Variants in CES3 observed in about 807,000 individuals in gnomAD.
The protein encoded by CES3 is carboxylesterase 3.
A neutral mutation model predicts 57.6 loss-of-function variants in CES3; 49 were observed. That is an observed-to-expected ratio of 0.85 (90% CI 0.68 to 1.08). The LOEUF (loss-of-function observed/expected upper bound fraction) is 1.08, where lower values mean the gene tolerates loss of function less well. Among genes scored for constraint, CES3 ranks in the 50% least tolerant of loss-of-function variants. CES3 has a pLI of 0.00. For synonymous variants in CES3, 266 were observed against 281.6 expected (o/e 0.94, Z 0.55); for missense variants, 645 against 742.0 (o/e 0.87, Z 1.52).
chr16:66,974,068 G>T lies in CES3; in HGVS notation c.*1019G>T, dbSNP rs1047488869. The T allele has an allele frequency of 1.3e-4, 20 of 152,472 alleles. No individual in the cohort carries two copies. The highest frequency in any genetic ancestry group is 9.8e-4 in the Admixed American group (15 of 15,284). The allele number at this position is 152,472 out of a possible 1,614,324, so 9.4% of individuals were successfully genotyped here. A position where few individuals can be genotyped will look rare whatever the true frequency, so the allele number is the denominator to read the frequency against. On this transcript the variant is annotated 3_prime_UTR_variant, in exon 13 of 13. Transcript: ENST00000303334. ...CCCACCCACTCGGGCTGCAAAAGGT[G>T]AAAAGCACCAAGAGGTTTTCAGATG...
intron 6 of CES3, among the ~76,000 whole-genome samples, chr16:66,965,845 CAGA>C (rs1436701403): frequency 3.3e-5 from 5 of 152,152 alleles, no homozygotes; most frequent in Admixed American, 6.6e-5. Flanking sequence ...GAGGCTGAGG[CAGA>C]AGAATGGTGT....
chr16:66,964,259 GA>G, intron 4 of CES3, 97 bp from the exon 5 acceptor site: 1 of 1,505,990 alleles, frequency 6.6e-7, no homozygotes, highest in Non-Finnish European at 8.9e-7. Context: ...CTGGGGAGCA[GA>G]GAAGGGTCTG....
Position 66,971,245 on chromosome 16 carries a change from G to A in CES3, c.1217G>A (p.Cys406Tyr). 6.2e-7 allele frequency: 1 copy of A among 1,614,094 alleles called. No individual in the cohort carries two copies. The change falls in exon 10 of 13, where the codon TGC becomes TAC. Residue 406 changes from cysteine (C) to tyrosine (Y), a missense_variant. Coordinates refer to ENST00000303334, the MANE Select transcript of CES3 (RefSeq NM_024922.6). ...AGCAACTCGGACGCACAAGCCAAAT[G>A]CCAGGCGTTCCAGGAATTCATGGGT... Reference protein sequence around the residue: ...LGSNSDAQAKCQAFQEFMGDV... With the variant: ...LGSNSDAQAKYQAFQEFMGDV...
Position 66,963,560 on chromosome 16 carries a change from C to T in CES3, c.357C>T (p.Ser119=), listed in dbSNP as rs773828115. 3.1e-5 allele frequency: 50 copies of T among 1,614,108 alleles called. 1 individual carries two copies. Among genetic ancestry groups the T allele is most frequent in the Middle Eastern group, 1.6e-4 (1 of 6,084 alleles). ...FVLNGKQQIF[S]VSEDCLVLNV... ...TCAACGGAAAACAGCAGATCTTCTC[C>T]GTTTCAGAGGACTGCCTGGTCCTCA... The change falls in exon 3 of 13, where the codon TCC becomes TCT. Residue 119 remains serine (S), a synonymous_variant. Coordinates refer to ENST00000303334, the MANE Select transcript of CES3 (RefSeq NM_024922.6). The surrounding 1 kb of genome is among the most constrained non-coding windows in gnomAD (Gnocchi z 4.9).
chr16:66,964,074 C>A, intron 4 of CES3, 139 bp downstream of exon 4: 1 of 1,313,334 alleles, frequency 7.6e-7, no homozygotes, highest in Non-Finnish European at 1.0e-6. Flanking sequence ...AGAAGGGCAC[C>A]CCCCAAGCCT....
At chr16:66,966,426 G>A (rs945798682) in intron 7 of CES3, 81 bp downstream of exon 7, 1 of 1,405,740 alleles carries the variant, frequency 7.1e-7, no homozygotes, top group Non-Finnish European at 9.9e-7. Context: ...CAGAGGGGCA[G>A]TCTACCCCCA....
Position 66,974,954 on chromosome 16 carries a change from C to T in CES3, c.*1905C>T, listed in dbSNP as rs1041283327. The T allele has an allele frequency of 2.6e-5, 4 of 152,170 alleles. No homozygotes were observed. Among genetic ancestry groups the T allele is most frequent in the South Asian group, 2.1e-4 (1 of 4,824 alleles). 9.4% of individuals were successfully genotyped at this position (152,170 alleles called of 1,614,324 possible). Reference sequence around the variant, plus strand: ...TTGTGTCTAGCTCAGGGATCGTAAACGCACCAATCAGCACCCTGTCAAAAC... The same window carrying T: ...TTGTGTCTAGCTCAGGGATCGTAAATGCACCAATCAGCACCCTGTCAAAAC... On this transcript the variant is annotated 3_prime_UTR_variant, in exon 13 of 13. Transcript: ENST00000303334.
rs1437690440 is a variant in CES3, at chr16:66,973,509, G to A, written c.*460G>A. ...CCACACCAGGATCGGGTGGGACCTGGAGCTAGGGGGTGTTTGCTGAGTGAG... is the reference window on the plus strand; with the variant it reads ...CCACACCAGGATCGGGTGGGACCTGAAGCTAGGGGGTGTTTGCTGAGTGAG... On this transcript the variant is annotated 3_prime_UTR_variant, in exon 13 of 13. Coordinates refer to ENST00000303334, the MANE Select transcript of CES3 (RefSeq NM_024922.6). 1.9e-5 allele frequency: 3 copies of A among 158,326 alleles called. No homozygotes were observed. Among genetic ancestry groups the A allele is most frequent in the African/African-American group, 7.2e-5 (3 of 41,522 alleles). The allele number at this position is 158,326 out of a possible 1,614,324, so 9.8% of individuals were successfully genotyped here. A position where few individuals can be genotyped will look rare whatever the true frequency, so the allele number is the denominator to read the frequency against.
chr16:66,972,386 T>C lies in CES3; in HGVS notation c.1322T>C (p.Phe441Ser). The C allele has an allele frequency of 6.2e-7, 1 of 1,611,132 alleles. No individual in the cohort carries two copies. Among genetic ancestry groups the C allele is most frequent in the Non-Finnish European group, 8.5e-7 (1 of 1,178,498 alleles). ...DSGSPVFFYEFQHRPSSFAKI... is the reference protein window; with the variant it reads ...DSGSPVFFYESQHRPSSFAKI... ...GGAAGCCCTGTCTTTTTCTATGAGTTCCAGCATCGACCCAGTTCTTTTGCG... is the reference window on the plus strand; with the variant it reads ...GGAAGCCCTGTCTTTTTCTATGAGTCCCAGCATCGACCCAGTTCTTTTGCG... Residue 441 changes from phenylalanine (F) to serine (S), a missense_variant, in exon 11 of 13, where the codon TTC becomes TCC. By Grantham distance (155) the Phe-to-Ser change is radical (BLOSUM62 -2). Transcript: ENST00000303334.
chr16:66,966,554 C>G, intron 7 of CES3, 171 bp from the exon 8 acceptor site: 1 of 871,494 alleles, frequency 1.1e-6, no homozygotes, highest in East Asian at 2.6e-5. Context: ...CTGGACGCAT[C>G]TGTTGCCCTG....
intron 8 of CES3, chr16:66,967,715 G>GA: frequency 1.0e-6 from 1 of 975,670 alleles, no homozygotes. Flanking sequence ...TTGGCCCATT[G>GA]CACACCCTAA....
At chr16:66,966,415 G>A in intron 7 of CES3, 70 bp downstream of exon 7, 1 of 1,462,538 alleles carries the variant, frequency 6.8e-7, no homozygotes, top group East Asian at 2.3e-5. Context: ...CCCTGCAGGA[G>A]CAGAGGGGCA....
In CES3 at chr16:66,963,936, G is replaced by C; in HGVS notation, c.560+1G>C. ...GCCTTGGGGTCCTTGGCTTCTTCAG[G>C]TGAGACGACAGGCATGGCCAGAGCA... On this transcript the variant is annotated splice_donor_variant, in intron 4 of 12. Transcript: ENST00000303334. LOFTEE classifies it high-confidence loss of function. This position sits in a 1 kb window ranked among gnomAD's most constrained non-coding sequence, Gnocchi z 4.9. 6.2e-7 allele frequency: 1 copy of C among 1,612,372 alleles called. No individual in the cohort carries two copies. Among genetic ancestry groups the C allele is most frequent in the Non-Finnish European group, 8.5e-7 (1 of 1,178,720 alleles).
chr16:66,965,211 G>A (rs1004253107), intron 6 of CES3, among the ~76,000 whole-genome samples: 2 of 152,360 alleles, frequency 1.3e-5, no homozygotes, highest in East Asian at 3.9e-4. Context: ...AGGGAACAGG[G>A]CAGGAAGTGA....
intron 4 of CES3, 67 bp downstream of exon 4, chr16:66,964,002 G>T: frequency 6.3e-7 from 1 of 1,585,258 alleles, no homozygotes; most frequent in Admixed American, 1.7e-5. Context: ...AGAGCAACTG[G>T]GGATCTAGGT....
At position 66,972,563 on chromosome 16, in the gene CES3, G is replaced by A. The variant is rs1265525888; in HGVS notation, c.1441+58G>A. On this transcript the variant is annotated intron_variant, in intron 11 of 12. Transcript: ENST00000303334. ...GGCTGCCAGACTCCAAGGGGCCTGG[G>A]CAGGGCTTGCAGGAACACGGGTCTC... The A allele has an allele frequency of 2.1e-5, 34 of 1,605,994 alleles. No homozygotes were observed. The Admixed American group carries it at 5.7e-4, about 27-fold the overall frequency.
Position 66,961,400 on chromosome 16 carries a change from C to T in CES3, c.82+11C>T. ...CTGCCACAGCCACTGGTAAGACACACCTGCTGGGCCTGCAGAGGTACTTGG... is the reference window on the plus strand; with the variant it reads ...CTGCCACAGCCACTGGTAAGACACATCTGCTGGGCCTGCAGAGGTACTTGG... On this transcript the variant is annotated intron_variant, in intron 1 of 12. Transcript: ENST00000303334. The T allele has an allele frequency of 1.2e-6, 2 of 1,606,106 alleles. No individual in the cohort carries two copies.
At position 66,966,327 on chromosome 16, in the gene CES3, G is replaced by T; in HGVS notation, c.903G>T (p.Leu301=). Residue 301 remains leucine, a synonymous_variant, in exon 7 of 13, where the codon CTG becomes CTT. Transcript: ENST00000303334. ...QCLQQKEGEE[L]VLSKKLKNTI... ...TTCAGCAGAAAGAAGGAGAAGAGCT[G>T]GTCCTTAGCAAGAAGCTGGTATGGC... 6.2e-7 allele frequency: 1 copy of T among 1,613,738 alleles called. No homozygotes were observed. Among genetic ancestry groups the T allele is most frequent in the African/African-American group, 1.3e-5 (1 of 75,038 alleles).
chr16:66,961,365 C>T lies in CES3; in HGVS notation c.58C>T (p.Leu20=), dbSNP rs749736032. 13 of 1,612,792 alleles carry T rather than the reference C, an allele frequency of 8.1e-6. No individual in the cohort carries two copies. The South Asian group carries it at 9.9e-5, about 12-fold the overall frequency. ...CCTGGTCGGGGTGGTCTGTCTGCTC[C>T]TGGCATGCCCTGCCACAGCCACTGG... ...GVLVGVVCLL[L]ACPATATGPE... Residue 20 remains leucine (L), a synonymous_variant, in exon 1 of 13, where the codon CTG becomes TTG. Transcript: ENST00000303334.
Sources: gnomAD v4.1 joint callset for allele counts (sites outside exome capture counted in the v4.1 genomes callset) on GRCh38, gnomAD v4.1.1 for gene constraint, Gnocchi (gnomAD v3.1) non-coding constraint, MANE v1.5 for transcripts, NCBI Gene and HGNC (gene_info 2026-07-23, HGNC 2026-07-21) for gene names.